Variants in DIP2C observed in about 807,000 individuals in gnomAD.
The protein encoded by DIP2C is disco-interacting protein 2 homolog C.
A neutral mutation model predicts 192.4 loss-of-function variants in DIP2C; 33 were observed. The observed-to-expected ratio is 0.17, with a 90% CI of 0.13 to 0.23. The LOEUF (loss-of-function observed/expected upper bound fraction) is 0.23. Among genes scored for constraint, DIP2C ranks in the 10% least tolerant of loss-of-function variants. The pLI is 1.00. For synonymous variants in DIP2C, 979 were observed against 864.1 expected (o/e 1.13, Z -2.33); for missense variants, 1,537 against 2,110.1 (o/e 0.73, Z 5.32).
intron 1 of DIP2C, chr10:664,626 T>C (rs191481775): frequency 1.1e-4 from 16 of 152,350 alleles, no homozygotes; most frequent in Admixed American, 3.9e-4. Flanking sequence ...AGAGAAATCA[T>C]TGGTACTAAG....
At chr10:348,870 C>T in intron 25 of DIP2C, 108 bp from the exon 26 acceptor site, 1 of 1,494,746 alleles carries the variant, frequency 6.7e-7, no homozygotes, top group Admixed American at 2.2e-5. Context: ...GGGAAACGAG[C>T]AGCTGAGCTT....
rs918005140 is a variant in DIP2C, at chr10:316,171, T to G, written c.3925-6079A>C. Among the ~76,000 whole-genome samples, 6 of 152,232 alleles carry G rather than the reference T, an allele frequency of 3.9e-5. No homozygotes were observed. In the East Asian group the frequency reaches 1.2e-3, roughly 29 times the overall value. ...CTCTTTCTAGGGCCATCTCCTCTCATGAACATGAGTCCATTTCTCTTGCTT... is the reference window on the plus strand; with the variant it reads ...CTCTTTCTAGGGCCATCTCCTCTCAGGAACATGAGTCCATTTCTCTTGCTT... On this transcript the variant is annotated intron_variant, in intron 31 of 36. Transcript: ENST00000280886.
chr10:586,413 C>T (rs1303767637), intron 1 of DIP2C, among the ~76,000 whole-genome samples: 5 of 152,128 alleles, frequency 3.3e-5, no homozygotes, highest in South Asian at 4.1e-4. Flanking sequence ...CCTCAGGGAC[C>T]ACCAACCTCA....
chr10:452,230 C>G (rs1486077305), intron 3 of DIP2C, among the ~76,000 whole-genome samples: 1 of 152,194 alleles, frequency 6.6e-6, no homozygotes, highest in Non-Finnish European at 1.5e-5. Context: ...ATCAGTGGCA[C>G]AGTGACACTT....
chr10:633,565 G>C (rs536552122), intron 1 of DIP2C, among the ~76,000 whole-genome samples: 1 of 152,330 alleles, frequency 6.6e-6, no homozygotes, highest in South Asian at 2.1e-4. Flanking sequence ...CTGAGCCAGG[G>C]GGCCCTCGCG....
At chr10:518,359 C>T (rs543698401) in intron 1 of DIP2C, among the ~76,000 whole-genome samples, 18 of 152,368 alleles carry the variant, frequency 1.2e-4, no homozygotes, top group South Asian at 6.2e-4. Context: ...GCTCTTGCAC[C>T]GCTGGCAGCT....
At chr10:281,546 G>A (rs576787133) in intron 35 of DIP2C, among the ~76,000 whole-genome samples, 3 of 152,320 alleles carry the variant, frequency 2.0e-5, no homozygotes, top group East Asian at 1.9e-4. Context: ...GCCGCCATGC[G>A]CCCTCTACAC....
At chr10:591,785 C>A (rs1168552008) in intron 1 of DIP2C, among the ~76,000 whole-genome samples, 2 of 152,140 alleles carry the variant, frequency 1.3e-5, no homozygotes, top group South Asian at 2.1e-4. Context: ...ACACCCCACA[C>A]CCTCCTCTCC....
chr10:278,371 G>A (rs1954633092), intron 36 of DIP2C, among the ~76,000 whole-genome samples: 1 of 152,268 alleles, frequency 6.6e-6, no homozygotes. Flanking sequence ...GCCTGTGTTA[G>A]GGAGATGAAT....
Position 384,628 on chromosome 10 carries a change from G to A in DIP2C, c.1674C>T (p.Asn558=). The A allele has an allele frequency of 1.9e-6, 3 of 1,613,934 alleles. No homozygotes were observed. Among genetic ancestry groups the A allele is most frequent in the Non-Finnish European group, 2.5e-6 (3 of 1,180,020 alleles). The change falls in exon 15 of 37, where the codon AAC becomes AAT. Residue 558 remains asparagine (N), a synonymous_variant. Transcript: ENST00000280886. ...ACGGGATGCTGATCACATGCATCAT[G>A]TTCATGACGCTCTGCAATCAACAAA... ...LWHGILTSVM[N]MMHVISIPYS...
chr10:377,879 T>C (rs568492196), intron 17 of DIP2C, among the ~76,000 whole-genome samples: 1 of 152,252 alleles, frequency 6.6e-6, no homozygotes, highest in Admixed American at 6.5e-5. Context: ...TTTTGCATTT[T>C]CATTACTAAA....
intron 1 of DIP2C, among the ~76,000 whole-genome samples, chr10:555,894 C>T (rs554919151): frequency 6.6e-6 from 1 of 152,140 alleles, no homozygotes; most frequent in Admixed American, 6.5e-5. Flanking sequence ...AGCGAACACC[C>T]TTCCTGCATG....
At chr10:570,747 C>G (rs1252768111) in intron 1 of DIP2C, among the ~76,000 whole-genome samples, 1 of 152,254 alleles carries the variant, frequency 6.6e-6, no homozygotes, top group Non-Finnish European at 1.5e-5. Flanking sequence ...CCACAACCTA[C>G]TTTGCTCCCA....
chr10:598,841 TG>T (rs1793242463), intron 1 of DIP2C, among the ~76,000 whole-genome samples: 1 of 152,234 alleles, frequency 6.6e-6, no homozygotes, highest in Non-Finnish European at 1.5e-5. Context: ...CCGACATCTT[TG>T]TAACTCTGCA....
At chr10:526,898 C>A (rs1564819973) in intron 1 of DIP2C, among the ~76,000 whole-genome samples, 1 of 152,232 alleles carries the variant, frequency 6.6e-6, no homozygotes, top group Non-Finnish European at 1.5e-5. Context: ...TCATGGATAA[C>A]CAGCCCTCCG....
At chr10:351,221 G>A (rs4242756) in intron 24 of DIP2C, among the ~76,000 whole-genome samples, 144,184 of 152,258 alleles carry the variant, frequency 0.95, 68,673 homozygotes, top group Non-Finnish European at 1. Flanking sequence ...ATTCATCGGC[G>A]ATGCTGGGAA....
intron 34 of DIP2C, among the ~76,000 whole-genome samples, chr10:285,874 C>T (rs1188871483): frequency 1.3e-5 from 2 of 152,224 alleles, no homozygotes; most frequent in Non-Finnish European, 2.9e-5. Context: ...CTACTGTGTC[C>T]TGATGCTGTT....
intron 22 of DIP2C, among the ~76,000 whole-genome samples, chr10:362,199 C>T (rs1327651603): frequency 1.3e-5 from 2 of 152,158 alleles, no homozygotes; most frequent in Admixed American, 6.5e-5. Context: ...GCACCGTGGC[C>T]GTGTCCTTCA....
rs180917520 is a variant in DIP2C at position 666,184 on chromosome 10, G to A, written c.85+23310C>T. The A allele has an allele frequency of 1.1e-3, 170 of 152,280 alleles. 2 individuals are homozygous for A. Among genetic ancestry groups the A allele is most frequent in the African/African-American group, 3.7e-3 (153 of 41,538 alleles). The allele number at this position is 152,280 out of a possible 1,614,324, so 9.4% of individuals were successfully genotyped here. On this transcript the variant is annotated intron_variant, in intron 1 of 36. Coordinates refer to ENST00000280886, the MANE Select transcript of DIP2C (RefSeq NM_014974.3). The surrounding 1 kb of genome is among the most constrained non-coding windows in gnomAD (Gnocchi z 4.1). ...GTAATTGTGAGTTTTTGTTTTCTCC[G>A]AACTGGCCTTATTATTATTAATTAT...
Sources: gnomAD v4.1 joint callset for allele counts (sites outside exome capture counted in the v4.1 genomes callset) on GRCh38, gnomAD v4.1.1 for gene constraint, Gnocchi (gnomAD v3.1) non-coding constraint, MANE v1.5 for transcripts, NCBI Gene and HGNC (gene_info 2026-07-23, HGNC 2026-07-21) for gene names.